Variants in SLC35E4 observed in about 807,000 individuals in gnomAD.
SLC35E4 encodes the protein solute carrier family 35, member E4.
Under a neutral mutation model 19.3 loss-of-function variants are expected in SLC35E4, and 15 were observed. The ratio of observed to expected loss-of-function variants is 0.78; its 90% CI spans 0.52 to 1.20. The LOEUF is 1.20. SLC35E4 is among the 50% of genes most tolerant of loss of function. The probability of loss-of-function intolerance (pLI) is 0.00; values close to 1 mark genes in which losing one functional copy is unlikely to be tolerated. For synonymous variants in SLC35E4, 219 were observed against 219.9 expected, an observed-to-expected ratio of 1.00 and a Z score of 0.04; for missense variants, 406 against 472.3, an observed-to-expected ratio of 0.86 and a Z score of 1.30.
intron 1 of SLC35E4, among the ~76,000 whole-genome samples, chr22:30,646,225 T>A (rs899588236): frequency 7.2e-5 from 11 of 152,334 alleles, no homozygotes; most frequent in Admixed American, 3.9e-4. Context: ...CAGACTTATT[T>A]ATTTTAGTTT....
chr22:30,668,182 A>C (rs1180438092), downstream of SLC35E4: 2 of 158,096 alleles, frequency 1.3e-5, no homozygotes, highest in Non-Finnish European at 2.9e-5. Flanking sequence ...GATTTACGGG[A>C]CCGGCGCCAC....
chr22:30,659,024 T>C (rs2088403519), intron 2 of SLC35E4, among the ~76,000 whole-genome samples: 1 of 148,760 alleles, frequency 6.7e-6, no homozygotes, highest in Non-Finnish European at 1.5e-5. Context: ...TTCGGGAGGC[T>C]GAGGCAGGAG....
chr22:30,656,867 C>T lies in SLC35E4; in HGVS notation c.*9-5193C>T, dbSNP rs185169537. ...CAGTGGCTCATGCCTGTAATCACAG[C>T]ACTTTCGGAGGCTGAGGAGGAAGGA... On this transcript the variant is annotated intron_variant, in intron 2 of 2. Transcript: ENST00000406566. Among the ~76,000 whole-genome samples the T allele has an allele frequency of 3.4e-3, 517 of 152,278 alleles. 2 individuals are homozygous for T. The highest frequency in any genetic ancestry group is 5.8e-3 in the Non-Finnish European group (396 of 68,020).
At chr22:30,638,523 A>G (rs2145575547) in intron 1 of SLC35E4, among the ~76,000 whole-genome samples, 1 of 142,566 alleles carries the variant, frequency 7.0e-6, no homozygotes, top group South Asian at 2.2e-4. Context: ...AAAAAAAAAA[A>G]AAATTGGGCC....
rs967780003 is a variant in SLC35E4, at chr22:30,636,405, G to A, written c.-46G>A. 4.9e-5 allele frequency: 70 copies of A among 1,443,228 alleles called. No homozygotes were observed. Among genetic ancestry groups the A allele is most frequent in the Non-Finnish European group, 6.3e-5 (69 of 1,097,668 alleles). The allele number at this position is 1,443,228 out of a possible 1,614,324, so 89.4% of individuals were successfully genotyped here. A position where few individuals can be genotyped will look rare whatever the true frequency, so the allele number is the denominator to read the frequency against. ...AGCGGAACTCTCTGGTGGCCCAGAGGTCGTCACTGGGGAGCCCGCCTCCTG... is the reference window on the plus strand; with the variant it reads ...AGCGGAACTCTCTGGTGGCCCAGAGATCGTCACTGGGGAGCCCGCCTCCTG... On this transcript the variant is annotated 5_prime_UTR_variant, in exon 1 of 2. Coordinates refer to ENST00000343605, the MANE Select transcript of SLC35E4 (RefSeq NM_001001479.4).
At chr22:30,660,909 G>C (rs2088446173) in intron 2 of SLC35E4, among the ~76,000 whole-genome samples, 1 of 149,762 alleles carries the variant, frequency 6.7e-6, no homozygotes, top group South Asian at 2.1e-4. Flanking sequence ...TCCTGATCTT[G>C]GCTCACTGCA....
chr22:30,655,292 C>T (rs373133732), intron 2 of SLC35E4, among the ~76,000 whole-genome samples: 8 of 134,790 alleles, frequency 5.9e-5, no homozygotes, highest in South Asian at 5.0e-4. Flanking sequence ...CCTGTCTCTA[C>T]GGAAAAAAAA....
chr22:30,668,539 C>G (rs1415251821), exon 3 of SLC35E4: 2 of 152,386 alleles, frequency 1.3e-5, no homozygotes, highest in Non-Finnish European at 2.9e-5. Context: ...CATCTCCAGT[C>G]CACATTTTCT....
chr22:30,645,737 C>G (rs951429118), intron 1 of SLC35E4, among the ~76,000 whole-genome samples: 1 of 151,874 alleles, frequency 6.6e-6, no homozygotes, highest in African/African-American at 2.4e-5. Context: ...CTCACTGTAG[C>G]CTTCCTCTGG....
downstream of SLC35E4, chr22:30,668,174 T>C (rs1418902812): frequency 1.9e-5 from 3 of 159,748 alleles, no homozygotes. Context: ...TCCTCCACGA[T>C]TTACGGGACC....
At chr22:30,640,369 CAAAAAAA>C (rs34746167) in intron 1 of SLC35E4, among the ~76,000 whole-genome samples, 1 of 115,468 alleles carries the variant, frequency 8.7e-6, no homozygotes, top group East Asian at 2.4e-4. Context: ...GACTCCATCT[CAAAAAAA>C]AAAAAAAAAA....
chr22:30,648,771 T>G (rs187227636), downstream of SLC35E4, among the ~76,000 whole-genome samples: 391 of 151,910 alleles, frequency 2.6e-3, 3 homozygotes, highest in Non-Finnish European at 4.1e-3. Context: ...GGCCAGGAGT[T>G]GGAGGCTGCA....
chr22:30,651,371 T>TTTTTG (rs1555899345), downstream of SLC35E4, among the ~76,000 whole-genome samples: 1 of 41,226 alleles, frequency 2.4e-5, no homozygotes, highest in Middle Eastern at 0.013. Context: ...TGGCTAATTT[T>TTTTTG]TGTGTGTGTG....
Position 30,636,518 on chromosome 22 carries a change from G to T in SLC35E4, c.68G>T (p.Gly23Val), listed in dbSNP as rs1397019214. The T allele has an allele frequency of 5.8e-6, 9 of 1,549,488 alleles. No homozygotes were observed. Among genetic ancestry groups the T allele is most frequent in the Non-Finnish European group, 7.9e-6 (9 of 1,145,712 alleles). ...TCAGCCGAAGTAGGAGCAGCAGCTG[G>T]TGGTGCTCAGGCGGCTGGGCCCCCC... ...MTSAEVGAAA[G>V]GAQAAGPPEW... Residue 23 changes from glycine (G) to valine (V), a missense_variant, in exon 1 of 2, where the codon GGT (glycine) becomes GTT (valine). Gly to Val is a moderately radical substitution (Grantham distance 109, BLOSUM62 -3). Transcript: ENST00000343605.
chr22:30,644,566 G>A (rs1257754952), intron 1 of SLC35E4, among the ~76,000 whole-genome samples: 4 of 152,136 alleles, frequency 2.6e-5, no homozygotes, highest in South Asian at 2.1e-4. Flanking sequence ...ACCAGATGAC[G>A]AAACCCCATC....
At chr22:30,649,345 A>T (rs2088177056), downstream of SLC35E4, 1 of 688,772 alleles carries the variant, frequency 1.5e-6, no homozygotes, top group East Asian at 2.7e-5. Context: ...TTGTGTGAGG[A>T]CTAGGAGCTA....
At chr22:30,657,081 C>T (rs1475236410) in intron 2 of SLC35E4, among the ~76,000 whole-genome samples, 2 of 152,220 alleles carry the variant, frequency 1.3e-5, no homozygotes, top group Non-Finnish European at 2.9e-5. Context: ...TTGGTTACAA[C>T]GATGGGGATA....
chr22:30,662,843 A>G (rs1025374090), exon 3 of SLC35E4: 2 of 152,608 alleles, frequency 1.3e-5, no homozygotes, highest in Non-Finnish European at 1.5e-5. Flanking sequence ...AGACAAAAAA[A>G]AATTTACACA....
At chr22:30,639,294 T>G (rs978296026) in intron 1 of SLC35E4, among the ~76,000 whole-genome samples, 5 of 152,086 alleles carry the variant, frequency 3.3e-5, no homozygotes, top group Non-Finnish European at 7.4e-5. Flanking sequence ...AGGATGTGGG[T>G]CACAGAGACC....
Sources: allele counts gnomAD v4.1 joint callset (sites outside exome capture counted in the v4.1 genomes callset), GRCh38; gene constraint gnomAD v4.1.1; transcripts MANE v1.5; gene names NCBI Gene and HGNC (gene_info 2026-07-23, HGNC 2026-07-21).